The following AGBL2 variants were observed in gnomAD, a reference collection of about 807,000 sequenced individuals.
The protein encoded by AGBL2 is cytosolic carboxypeptidase 2.
AGBL2 carries 87 observed loss-of-function variants against 103.0 expected under a neutral mutation model. The observed-to-expected ratio is 0.84, with a 90% CI of 0.71 to 1.01. AGBL2 has a LOEUF of 1.01. AGBL2 is among the 50% of genes least tolerant of loss of function. The pLI is 0.00. For missense variants in AGBL2, 904 were observed against 1,023.5 expected, an observed-to-expected ratio of 0.88 and a Z score of 1.59; for synonymous variants, 335 against 356.7, an observed-to-expected ratio of 0.94 and a Z score of 0.69.
chr11:47,710,322 G>A, intron 4 of AGBL2, 55 bp downstream of exon 4: 1 of 1,610,602 alleles, frequency 6.2e-7, no homozygotes. Flanking sequence ...TGAATACTCA[G>A]AGGAGTTACT....
intron 7 of AGBL2, 105 bp downstream of exon 7, chr11:47,704,438 G>A: frequency 1.1e-6 from 1 of 943,594 alleles, no homozygotes; most frequent in Non-Finnish European, 1.6e-6. Context: ...AGCTGAGATT[G>A]CGCCATTGCA....
chr11:47,669,534 C>A (rs2153802843), intron 14 of AGBL2, among the ~76,000 whole-genome samples: 1 of 152,156 alleles, frequency 6.6e-6, no homozygotes, highest in Non-Finnish European at 1.5e-5. Context: ...AAAAAATTAT[C>A]TGGGTGTGGT....
chr11:47,713,286 G>C lies in AGBL2; in HGVS notation c.97+998C>G, dbSNP rs986802647. 8.6e-5 allele frequency among the ~76,000 whole-genome samples: 13 copies of C among 150,996 alleles called. 1 individual carries two copies. Among genetic ancestry groups the C allele is most frequent in the Admixed American group, 7.9e-4 (12 of 15,148 alleles). The stretch of plus-strand genomic sequence containing the variant: ...TTGAACCCAGGAGGTGGAGGTCGCA[G>C]TGAGCCGAGATTGCGCCATTGCATT... On this transcript the variant is annotated intron_variant, in intron 3 of 18. Coordinates refer to ENST00000525123, the MANE Select transcript of AGBL2 (RefSeq NM_024783.4).
At chr11:47,665,785 G>A (rs951202121) in intron 17 of AGBL2, among the ~76,000 whole-genome samples, 4 of 151,958 alleles carry the variant, frequency 2.6e-5, no homozygotes, top group African/African-American at 4.8e-5. Flanking sequence ...TGAGGCAGGC[G>A]GATCACCTGA....
rs1339195520 is a variant in AGBL2, at chr11:47,686,003, G to A, written c.1678C>T (p.His560Tyr). 6 of 1,613,786 alleles carry A rather than the reference G, an allele frequency of 3.7e-6. No individual in the cohort carries two copies. The highest frequency in any genetic ancestry group is 1.3e-5 in the African/African-American group (1 of 74,876). The change falls in exon 11 of 19, where the codon CAC becomes TAC. Residue 560 changes from histidine (H) to tyrosine (Y), a missense_variant. Coordinates refer to ENST00000525123, the MANE Select transcript of AGBL2 (RefSeq NM_024783.4). ...AGGAAGATATTATTCTTACGACTGT[G>A]GCCATGGAAATCACAATACAACAGA... ...EVLLYCDFHG[H>Y]SRKNNIFLYG...
At chr11:47,670,468 G>A (rs2097354056) in intron 14 of AGBL2, among the ~76,000 whole-genome samples, 1 of 151,828 alleles carries the variant, frequency 6.6e-6, no homozygotes, top group Non-Finnish European at 1.5e-5. Context: ...CTGAGCAACA[G>A]GGCAAGAAAC....
At chr11:47,670,258 A>T (rs2097353387) in intron 14 of AGBL2, among the ~76,000 whole-genome samples, 1 of 152,200 alleles carries the variant, frequency 6.6e-6, no homozygotes, top group African/African-American at 2.4e-5. Flanking sequence ...TCAATATATA[A>T]ACATATGCAT....
Position 47,690,286 on chromosome 11 carries a change from C to T in AGBL2, c.1421G>A (p.Gly474Asp), listed in dbSNP as rs1303966337. ...GESNGSWVMK[G>D]FLDFILSNSP... ...GTTGCTAAGGATGAAGTCCAAAAAG[C>T]CTTTCATAACCCAGGAGCCATTACT... The change falls in exon 10 of 19, where the codon GGC becomes GAC. Residue 474 changes from glycine (G) to aspartate (D), a missense_variant. Gly to Asp is a moderately conservative substitution (Grantham distance 94). Transcript: ENST00000525123. The T allele has an allele frequency of 6.2e-7, 1 of 1,613,530 alleles. No homozygotes were observed. The highest frequency in any genetic ancestry group is 8.5e-7 in the Non-Finnish European group (1 of 1,179,820).
At chr11:47,691,727 A>AT (rs1219693390) in intron 9 of AGBL2, among the ~76,000 whole-genome samples, 1 of 3,582 alleles carries the variant, frequency 2.8e-4, no homozygotes, top group Non-Finnish European at 7.1e-4. Flanking sequence ...AAAAAAAAAA[A>AT]AAATATATAT....
At chr11:47,688,424 G>T (rs2097432558) in intron 10 of AGBL2, among the ~76,000 whole-genome samples, 1 of 152,106 alleles carries the variant, frequency 6.6e-6, no homozygotes, top group Non-Finnish European at 1.5e-5. Flanking sequence ...AAGAACCAAA[G>T]AAAGCCTTGA....
intron 10 of AGBL2, among the ~76,000 whole-genome samples, chr11:47,687,536 A>G (rs1255198872): frequency 6.6e-6 from 1 of 151,868 alleles, no homozygotes; most frequent in African/African-American, 2.4e-5. Flanking sequence ...ATTGAAAAAA[A>G]AAAATGAACT....
chr11:47,697,957 G>A (rs1292030183), intron 8 of AGBL2, among the ~76,000 whole-genome samples: 1 of 150,108 alleles, frequency 6.7e-6, no homozygotes, highest in African/African-American at 2.5e-5. Flanking sequence ...AACTCCCAAG[G>A]TTTAAACGAT....
chr11:47,663,785 A>T (rs1196314741), intron 17 of AGBL2, among the ~76,000 whole-genome samples: 1 of 151,780 alleles, frequency 6.6e-6, no homozygotes, highest in Non-Finnish European at 1.5e-5. Context: ...TGAACTCCCG[A>T]CCTCAGGTGA....
At chr11:47,661,532 G>C (rs2097327927) in intron 18 of AGBL2, among the ~76,000 whole-genome samples, 1 of 152,224 alleles carries the variant, frequency 6.6e-6, no homozygotes, top group African/African-American at 2.4e-5. Context: ...GACACTAGAA[G>C]ACACTGATAG....
chr11:47,669,716 G>A (rs955667993), intron 14 of AGBL2, among the ~76,000 whole-genome samples: 1 of 151,720 alleles, frequency 6.6e-6, no homozygotes, highest in Non-Finnish European at 1.5e-5. Context: ...TTGAGACAGA[G>A]TCTCCCTATG....
intron 4 of AGBL2, among the ~76,000 whole-genome samples, chr11:47,709,664 C>T (rs905827899): frequency 3.3e-5 from 5 of 151,536 alleles, no homozygotes; most frequent in African/African-American, 7.3e-5. Context: ...CTCAGCTCAC[C>T]GCAACTTCCG....
intron 14 of AGBL2, among the ~76,000 whole-genome samples, chr11:47,674,094 AAAAT>A (rs570595578): frequency 3.9e-5 from 6 of 152,208 alleles, no homozygotes; most frequent in East Asian, 3.9e-4. Context: ...GTCTGTCTCA[AAAAT>A]AAATAAATAA....
At position 47,685,972 on chromosome 11, in the gene AGBL2, C is replaced by T. The variant is rs2097422056; in HGVS notation, c.1709G>A (p.Gly570Asp). 6.2e-7 allele frequency: 1 copy of T among 1,613,816 alleles called. No individual in the cohort carries two copies. The highest frequency in any genetic ancestry group is 8.5e-7 in the Non-Finnish European group (1 of 1,179,818). The part of the protein sequence containing the change: ...HSRKNNIFLY[G>D]CNNNNRKYWL... The stretch of plus-strand genomic sequence containing the variant: ...GTATTTGCGATTGTTGTTATTACAG[C>T]CATACAGGAAGATATTATTCTTACG... Residue 570 changes from glycine to aspartate, a missense_variant, in exon 11 of 19, where the codon GGC (glycine) becomes GAC (aspartate). Physicochemically the swap from Gly to Asp is moderately conservative, Grantham distance 94. Coordinates refer to ENST00000525123, the MANE Select transcript of AGBL2 (RefSeq NM_024783.4).
In AGBL2 at chr11:47,690,399, C is replaced by A. The variant is rs776527025; in HGVS notation, c.1308G>T (p.Leu436Phe). 35 of 1,614,074 alleles carry A rather than the reference C, an allele frequency of 2.2e-5. No homozygotes were observed. Among genetic ancestry groups the A allele is most frequent in the Non-Finnish European group, 3.0e-5 (35 of 1,180,006 alleles). Residue 436 changes from leucine (L) to phenylalanine (F), a missense_variant, in exon 10 of 19, where the codon TTG (leucine) becomes TTT (phenylalanine). Leu to Phe is a conservative substitution (Grantham distance 22). Coordinates refer to ENST00000525123, the MANE Select transcript of AGBL2 (RefSeq NM_024783.4). Reference sequence around the variant, plus strand: ...TCTGGGATGGGTTGGTGATGGTGAGCAAGTAAACGGTATTTCCTGCTAGGC... The same window carrying A: ...TCTGGGATGGGTTGGTGATGGTGAGAAAGTAAACGGTATTTCCTGCTAGGC... ...CRSLAGNTVY[L>F]LTITNPSQTP... is the part of the protein sequence containing the mutation.
Sources: allele counts gnomAD v4.1 joint callset (sites outside exome capture counted in the v4.1 genomes callset), GRCh38; gene constraint gnomAD v4.1.1; transcripts MANE v1.5; gene names NCBI Gene and HGNC (gene_info 2026-07-23, HGNC 2026-07-21).